Variants in PRSS12 observed in about 807,000 individuals in gnomAD.
The protein encoded by PRSS12 is neurotrypsin.
A neutral mutation model predicts 104.4 loss-of-function variants in PRSS12; 85 were observed. That is an observed-to-expected ratio of 0.81 (90% CI 0.68 to 0.98). PRSS12 has a LOEUF of 0.98. Among genes scored for constraint, PRSS12 ranks in the 50% least tolerant of loss-of-function variants. PRSS12 has a pLI of 0.00. For synonymous variants in PRSS12, 454 were observed against 425.2 expected (o/e 1.07, Z -0.83); for missense variants, 1,141 against 1,139.2 (o/e 1.00, Z -0.02).
Position 118,281,020 on chromosome 4 carries a change from T to A in PRSS12, c.*916A>T, listed in dbSNP as rs1020068866. On this transcript the variant is annotated 3_prime_UTR_variant, in exon 13 of 13. Coordinates refer to ENST00000296498, the MANE Select transcript of PRSS12 (RefSeq NM_003619.4). ...TCAATGTGTAGGCCAGGAAAGCATT[T>A]TGACTAGTATATTTTAAGATTGGAT... is the stretch of plus-strand genomic sequence containing the variant. 1 of 152,246 alleles carries A rather than the reference T, an allele frequency of 6.6e-6. No individual in the cohort carries two copies. The highest frequency in any genetic ancestry group is 2.4e-5 in the African/African-American group (1 of 41,452). 9.4% of individuals were successfully genotyped at this position (152,246 alleles called of 1,614,324 possible). A position where few individuals can be genotyped will look rare whatever the true frequency, so the allele number is the denominator to read the frequency against.
intron 4 of PRSS12, among the ~76,000 whole-genome samples, chr4:118,321,659 CAT>C (rs1723627711): frequency 6.6e-6 from 1 of 152,120 alleles, no homozygotes; most frequent in Admixed American, 6.5e-5. Flanking sequence ...TGATAAATAA[CAT>C]ATTTTTCACT....
chr4:118,352,679 C>T lies in PRSS12; in HGVS notation c.42G>A (p.Ala14=). ...AATCAAAGCCGACCACTTCGGGGAG[C>T]GCCCCTAACATCAGGGCTAGCACGA... The part of the protein sequence containing the change: ...ARFVLALMLG[A]LPEVVGFDSV... The change falls in exon 1 of 13, where the codon GCG becomes GCA. Residue 14 remains alanine (A), a synonymous_variant. Transcript: ENST00000296498. 1 of 1,613,274 alleles carries T rather than the reference C, an allele frequency of 6.2e-7. No individual in the cohort carries two copies. Among genetic ancestry groups the T allele is most frequent in the South Asian group, 1.1e-5 (1 of 90,956 alleles).
intron 11 of PRSS12, among the ~76,000 whole-genome samples, chr4:118,286,398 C>T (rs1256085068): frequency 6.6e-6 from 1 of 152,130 alleles, no homozygotes. Context: ...TCTCTCATCC[C>T]CTCTATCCTA....
At chr4:118,325,282 C>T (rs559243402) in intron 4 of PRSS12, among the ~76,000 whole-genome samples, 5 of 150,118 alleles carry the variant, frequency 3.3e-5, no homozygotes, top group Non-Finnish European at 7.4e-5. Flanking sequence ...GGGTACTATG[C>T]TCATTACATG....
intron 4 of PRSS12, among the ~76,000 whole-genome samples, chr4:118,327,529 T>C (rs1235787346): frequency 6.6e-6 from 1 of 152,172 alleles, no homozygotes; most frequent in Non-Finnish European, 1.5e-5. Flanking sequence ...TATATAATTT[T>C]AGAGCAAAAA....
chr4:118,352,470 T>TGCCCGGCCTGGAGGGCGTGC lies in PRSS12; in HGVS notation c.231_250dup (p.His84ArgfsTer26), dbSNP rs1326530068. ...GCCCCAGGGGTGCGGCCGGGGCGTG[T>TGCCCGGCCTGGAGGGCGTGC]GCCCGGCCTGGAGGGCGTGCGGGCG... is the stretch of plus-strand genomic sequence containing the variant. On this transcript the variant is annotated frameshift_variant, in exon 1 of 13. Coordinates refer to ENST00000296498, the MANE Select transcript of PRSS12 (RefSeq NM_003619.4). LOFTEE classifies it high-confidence loss of function. The TGCCCGGCCTGGAGGGCGTGC allele has an allele frequency of 2.2e-6, 3 of 1,389,082 alleles. No individual in the cohort carries two copies. In the African/African-American group the frequency reaches 4.6e-5, roughly 21 times the overall value. The allele number at this position is 1,389,082 out of a possible 1,614,324, so 86.0% of individuals were successfully genotyped here.
chr4:118,341,685 A>G (rs1724215211), intron 1 of PRSS12, among the ~76,000 whole-genome samples: 1 of 152,106 alleles, frequency 6.6e-6, no homozygotes, highest in South Asian at 2.1e-4. Flanking sequence ...TCCATCTCAA[A>G]AGCAAGCTAA....
intron 1 of PRSS12, among the ~76,000 whole-genome samples, chr4:118,343,083 C>G (rs181707915): frequency 1.3e-5 from 2 of 152,230 alleles, no homozygotes; most frequent in Non-Finnish European, 2.9e-5. Context: ...TCATTGGTTT[C>G]TGAGCTTTAA....
intron 8 of PRSS12, among the ~76,000 whole-genome samples, chr4:118,299,402 C>T (rs987661486): frequency 2.0e-5 from 3 of 152,042 alleles, no homozygotes; most frequent in Non-Finnish European, 2.9e-5. Context: ...TTTTTTAGGC[C>T]GGGCACGTTG....
intron 8 of PRSS12, among the ~76,000 whole-genome samples, chr4:118,306,724 A>G (rs1743563395): frequency 6.6e-6 from 1 of 152,214 alleles, no homozygotes; most frequent in African/African-American, 2.4e-5. Context: ...GTGGGGACAA[A>G]TATCCAAACT....
chr4:118,342,733 A>G (rs536149150), intron 1 of PRSS12, among the ~76,000 whole-genome samples: 2 of 152,350 alleles, frequency 1.3e-5, no homozygotes, highest in Non-Finnish European at 2.9e-5. Context: ...TGCTGGTGTT[A>G]TAACTATTTA....
At position 118,281,461 on chromosome 4, in the gene PRSS12, TAC is replaced by T. The variant is rs1363218274; in HGVS notation, c.*473_*474del. On this transcript the variant is annotated 3_prime_UTR_variant, in exon 13 of 13. Transcript: ENST00000296498. ...ACTGATTTCCTCACTTGACAAAGGC[TAC>T]AGAGAATATGAAGATTTCTTGTCAA... 5.4e-6 allele frequency: 1 copy of T among 185,056 alleles called. No individual in the cohort carries two copies. The highest frequency in any genetic ancestry group is 1.2e-5 in the Non-Finnish European group (1 of 86,324). 11.5% of individuals were successfully genotyped at this position (185,056 alleles called of 1,614,324 possible).
intron 1 of PRSS12, among the ~76,000 whole-genome samples, chr4:118,350,830 G>A (rs1724480919): frequency 1.3e-5 from 2 of 152,162 alleles, no homozygotes; most frequent in African/African-American, 4.8e-5. Context: ...AAGAGAAGTT[G>A]TATATTCTCT....
intron 3 of PRSS12, among the ~76,000 whole-genome samples, chr4:118,335,103 T>C (rs1319681210): frequency 6.6e-6 from 1 of 152,234 alleles, no homozygotes; most frequent in African/African-American, 2.4e-5. Context: ...GTATTTGCTG[T>C]ATTCTATATT....
At position 118,281,876 on chromosome 4, in the gene PRSS12, A is replaced by C. The variant is rs1014796300; in HGVS notation, c.*60T>G. The C allele has an allele frequency of 1.2e-6, 1 of 832,366 alleles. No individual in the cohort carries two copies. Among genetic ancestry groups the C allele is most frequent in the Non-Finnish European group, 2.1e-6 (1 of 466,048 alleles). The allele number at this position is 832,366 out of a possible 1,614,324, so 51.6% of individuals were successfully genotyped here. On this transcript the variant is annotated 3_prime_UTR_variant, in exon 13 of 13. Coordinates refer to ENST00000296498, the MANE Select transcript of PRSS12 (RefSeq NM_003619.4). ...TTGTTGTCATCTCTGCTGAGTGCTA[A>C]TAGTGGGGGTTCAAAGTTTTCCATT...
Position 118,282,955 on chromosome 4 carries a change from T to C in PRSS12, c.2196A>G (p.Leu732=), listed in dbSNP as rs1742920792. Residue 732 remains leucine (L), a synonymous_variant, in exon 12 of 13, where the codon TTA becomes TTG. Coordinates refer to ENST00000296498, the MANE Select transcript of PRSS12 (RefSeq NM_003619.4). ...TGGCACATTGCTCTTCTGGTCCTTGTAATCTAACCAGGGCTATGTCATAAT... is the reference window on the plus strand; with the variant it reads ...TGGCACATTGCTCTTCTGGTCCTTGCAATCTAACCAGGGCTATGTCATAAT... ...RSDYDIALVR[L]QGPEEQCARF... The C allele has an allele frequency of 6.2e-7, 1 of 1,614,172 alleles. No homozygotes were observed. Among genetic ancestry groups the C allele is most frequent in the South Asian group, 1.1e-5 (1 of 91,086 alleles).
At chr4:118,332,288 C>T (rs1227281597) in intron 3 of PRSS12, among the ~76,000 whole-genome samples, 2 of 152,060 alleles carry the variant, frequency 1.3e-5, no homozygotes, top group African/African-American at 4.8e-5. Flanking sequence ...TACTTGTTTT[C>T]AGTATAGAAT....
At chr4:118,316,525 T>C (rs530438796) in intron 5 of PRSS12, among the ~76,000 whole-genome samples, 67 of 152,196 alleles carry the variant, frequency 4.4e-4, no homozygotes, top group Middle Eastern at 6.8e-3. Context: ...TCTGTCCTAA[T>C]AAAATATTCT....
Position 118,352,475 on chromosome 4 carries a change from G to C in PRSS12, c.246C>G (p.Ala82=). The C allele has an allele frequency of 7.3e-7, 1 of 1,377,480 alleles. No homozygotes were observed. The highest frequency in any genetic ancestry group is 1.5e-5 in the African/African-American group (1 of 65,268). 85.3% of individuals were successfully genotyped at this position (1,377,480 alleles called of 1,614,324 possible). The part of the protein sequence containing the change: ...LPAQRPHALQ[A]GHTPRPHPWG... ...AGGGGTGCGGCCGGGGCGTGTGCCCGGCCTGGAGGGCGTGCGGGCGCTGGG... is the reference window on the plus strand; with the variant it reads ...AGGGGTGCGGCCGGGGCGTGTGCCCCGCCTGGAGGGCGTGCGGGCGCTGGG... The change falls in exon 1 of 13, where the codon GCC becomes GCG. Residue 82 remains alanine, a synonymous_variant. Transcript: ENST00000296498.
Sources: gnomAD v4.1 joint callset for allele counts (sites outside exome capture counted in the v4.1 genomes callset) on GRCh38, gnomAD v4.1.1 for gene constraint, MANE v1.5 for transcripts, NCBI Gene and HGNC (gene_info 2026-07-23, HGNC 2026-07-21) for gene names.